ZNF722: variants seen among roughly 807,000 people sequenced by gnomAD.
The protein encoded by ZNF722 is zinc finger protein 722.
At chr7:64,011,594 C>G in the ZNF722 span, among the ~76,000 whole-genome samples, 1 of 152,034 alleles carries the variant, frequency 6.6e-6, no homozygotes, top group South Asian at 2.1e-4. Flanking sequence ...TCTTCTGGCT[C>G]ATAGAGTTTC....
the ZNF722 span, chr7:64,005,681 C>T: frequency 6.5e-7 from 1 of 1,543,100 alleles, no homozygotes; most frequent in Non-Finnish European, 8.9e-7. Context: ...GGATTGTGCT[C>T]AGCAGAATTT....
At chr7:64,000,114 CCTTA>C in the ZNF722 span, among the ~76,000 whole-genome samples, 2 of 96,048 alleles carry the variant, frequency 2.1e-5, no homozygotes, top group African/African-American at 7.1e-5. Context: ...ACTGCTTTTC[CCTTA>C]CTTTTTTTTT....
the ZNF722 span, chr7:64,015,775 C>A: frequency 6.2e-7 from 1 of 1,612,686 alleles, no homozygotes; most frequent in Non-Finnish European, 8.5e-7. Context: ...TTTAACTGCT[C>A]CTCAACCCTT....
chr7:64,010,398 C>T, the ZNF722 span, among the ~76,000 whole-genome samples: 1 of 152,144 alleles, frequency 6.6e-6, no homozygotes, highest in Non-Finnish European at 1.5e-5. Flanking sequence ...AAATTTCCCT[C>T]TACACACTGC....
chr7:64,008,836 G>A, the ZNF722 span, among the ~76,000 whole-genome samples: 5 of 152,312 alleles, frequency 3.3e-5, no homozygotes, highest in African/African-American at 9.6e-5. Flanking sequence ...ACCTTGGGCA[G>A]TATGGCCATT....
At chr7:64,015,644 A>C in the ZNF722 span, 4 of 1,613,930 alleles carry the variant, frequency 2.5e-6, no homozygotes, top group African/African-American at 4.0e-5. Flanking sequence ...TTCATACTGG[A>C]GAGAGACCCT....
the ZNF722 span, among the ~76,000 whole-genome samples, chr7:64,001,399 T>G: frequency 6.6e-6 from 1 of 152,202 alleles, no homozygotes; most frequent in Non-Finnish European, 1.5e-5. Flanking sequence ...CCAGCTCCAT[T>G]GACGTTGCTG....
At chr7:63,999,903 C>T in the ZNF722 span, among the ~76,000 whole-genome samples, 9 of 151,858 alleles carry the variant, frequency 5.9e-5, no homozygotes, top group African/African-American at 1.9e-4. Context: ...ACCATGTTGG[C>T]CAGGGTGCTC....
the ZNF722 span, among the ~76,000 whole-genome samples, chr7:64,009,288 A>C: frequency 6.6e-6 from 1 of 152,184 alleles, no homozygotes; most frequent in Non-Finnish European, 1.5e-5. Context: ...TATGTTGAAT[A>C]GGAGTGGTGA....
the ZNF722 span, among the ~76,000 whole-genome samples, chr7:63,999,781 TC>T: frequency 6.6e-6 from 1 of 151,920 alleles, no homozygotes; most frequent in Non-Finnish European, 1.5e-5. Context: ...CACTGCAACC[TC>T]CCCCTCTCGG....
At chr7:64,008,758 T>A in the ZNF722 span, among the ~76,000 whole-genome samples, 1 of 152,204 alleles carries the variant, frequency 6.6e-6, no homozygotes. Flanking sequence ...AACTTTAAAG[T>A]AGTTTTTTCC....
the ZNF722 span, chr7:63,998,858 T>G: frequency 6.8e-6 from 9 of 1,329,884 alleles, no homozygotes; most frequent in East Asian, 2.2e-4. Context: ...CCTTTTGTGC[T>G]TCTCTGCGTC....
chr7:64,008,622 T>C, the ZNF722 span, among the ~76,000 whole-genome samples: 1 of 152,216 alleles, frequency 6.6e-6, no homozygotes, highest in Non-Finnish European at 1.5e-5. Context: ...TTGGTACCAG[T>C]ACCATGCTGT....
chr7:64,004,425 A>AAAAAAAAAAAAAAAT, the ZNF722 span, among the ~76,000 whole-genome samples: 1 of 61,120 alleles, frequency 1.6e-5, no homozygotes, highest in African/African-American at 8.0e-5. Context: ...AAAAAAAAAA[A>AAAAAAAAAAAAAAAT]ATATATATAT....
the ZNF722 span, among the ~76,000 whole-genome samples, chr7:64,016,940 A>G: frequency 1.3e-5 from 2 of 152,214 alleles, no homozygotes; most frequent in African/African-American, 4.8e-5. Context: ...CAAATATGAA[A>G]TGAAGAATGT....
At chr7:64,000,990 T>C in the ZNF722 span, among the ~76,000 whole-genome samples, 1 of 151,960 alleles carries the variant, frequency 6.6e-6, no homozygotes, top group Non-Finnish European at 1.5e-5. Context: ...TTGGACAGGT[T>C]GGTCTTGAAC....
At chr7:64,002,515 A>G in the ZNF722 span, among the ~76,000 whole-genome samples, 1 of 152,168 alleles carries the variant, frequency 6.6e-6, no homozygotes, top group Non-Finnish European at 1.5e-5. Context: ...GTATCATTTC[A>G]TATGTTTTTT....
the ZNF722 span, among the ~76,000 whole-genome samples, chr7:64,004,151 G>A: frequency 1.9e-4 from 29 of 151,434 alleles, no homozygotes; most frequent in African/African-American, 5.6e-4. Flanking sequence ...TTGTAATCCC[G>A]GCACTTTGGG....
the ZNF722 span, among the ~76,000 whole-genome samples, chr7:64,017,190 C>A: frequency 6.6e-6 from 1 of 152,138 alleles, no homozygotes; most frequent in Non-Finnish European, 1.5e-5. Flanking sequence ...TCAAGACCAG[C>A]CTGGCCAACA....
Sources: gnomAD v4.1 joint callset for allele counts (sites outside exome capture counted in the v4.1 genomes callset) on GRCh38, gnomAD v4.1.1 for gene constraint, MANE v1.5 for transcripts, NCBI Gene and HGNC (gene_info 2026-07-23, HGNC 2026-07-21) for gene names.